RASSF1: variants seen among roughly 807,000 people sequenced by gnomAD.
RASSF1 encodes Ras association domain family member 1, also known as ras association domain-containing protein 1.
Under a neutral mutation model 34.3 loss-of-function variants are expected in RASSF1, and 33 were observed. The ratio of observed to expected loss-of-function variants is 0.96; its 90% confidence interval spans 0.73 to 1.29. The LOEUF is 1.29. Ranked by LOEUF, RASSF1 falls within the 50% of genes most tolerant of loss-of-function variation. RASSF1 has a pLI of 0.00. For synonymous variants in RASSF1, 191 were observed against 195.0 expected, an observed-to-expected ratio of 0.98 and a Z score of 0.17; for missense variants, 445 against 471.8, an observed-to-expected ratio of 0.94 and a Z score of 0.53.
At chr3:50,337,750 C>T (rs1703211065) in intron 2 of RASSF1, 155 bp downstream of exon 2, 1 of 922,616 alleles carries the variant, frequency 1.1e-6, no homozygotes, top group South Asian at 1.7e-5. Flanking sequence ...CCAGGCTCCC[C>T]TCCCAGCCCC....
intron 2 of RASSF1, 38 bp downstream of exon 2, chr3:50,337,867 T>C (rs1172756020): frequency 6.6e-7 from 1 of 1,523,082 alleles, no homozygotes; most frequent in Admixed American, 1.7e-5. Flanking sequence ...GGCCTGCCCA[T>C]CCTCGCCCTT....
At chr3:50,337,624 T>A in intron 2 of RASSF1, 1 of 1,053,760 alleles carries the variant, frequency 9.5e-7, no homozygotes, top group Non-Finnish European at 1.3e-6. Context: ...CGCACAAGAG[T>A]GGCCTCTGGC....
At chr3:50,337,354 C>A (rs750062943) in intron 2 of RASSF1, 96 of 1,604,752 alleles carry the variant, frequency 6.0e-5, no homozygotes, top group Non-Finnish European at 7.5e-5. Context: ...CCTGCGCGTC[C>A]GTAGCCGCCA....
chr3:50,331,187 C>T (rs1702920886), intron 5 of RASSF1, 147 bp downstream of exon 5: 1 of 634,962 alleles, frequency 1.6e-6, no homozygotes, highest in Non-Finnish European at 2.6e-6. Flanking sequence ...GTCTGGAAGC[C>T]TTTGCTTTAG....
In RASSF1 at chr3:50,329,965, G is replaced by C. The variant is rs1299171000; in HGVS notation, c.*616C>G. ...ACCCTGGCTTTGATTAGCAAATAAG[G>C]TATGAACCTGGGCCAGTGCCCACAT... is the stretch of plus-strand genomic sequence containing the variant. On this transcript the variant is annotated 3_prime_UTR_variant, in exon 6 of 6. Transcript: ENST00000359365. The C allele has an allele frequency of 6.6e-6, 1 of 152,656 alleles. No homozygotes were observed. Among genetic ancestry groups the C allele is most frequent in the African/African-American group, 2.4e-5 (1 of 41,416 alleles). 9.5% of individuals were successfully genotyped at this position (152,656 alleles called of 1,614,324 possible).
At chr3:50,337,756 G>T (rs1703211508) in intron 2 of RASSF1, 149 bp downstream of exon 2, 1 of 934,512 alleles carries the variant, frequency 1.1e-6, no homozygotes, top group Non-Finnish European at 1.6e-6. Context: ...TCCCCTCCCA[G>T]CCCCCGCGCA....
chr3:50,337,709 C>T, intron 2 of RASSF1, 196 bp downstream of exon 2: 2 of 838,646 alleles, frequency 2.4e-6, no homozygotes, highest in Non-Finnish European at 3.7e-6. Flanking sequence ...GGTCCGCTTG[C>T]AGCGGGTGGA....
At chr3:50,332,633 G>GA (rs56872728) in intron 2 of RASSF1, among the ~76,000 whole-genome samples, 15,941 of 147,078 alleles carry the variant, frequency 0.11, 2,241 homozygotes, top group East Asian at 0.6. Flanking sequence ...ACTAAAAAAA[G>GA]AAAAAAAAAA....
chr3:50,330,544 T>A lies in RASSF1; in HGVS notation c.*37A>T, dbSNP rs782635857. 2 of 1,611,894 alleles carry A rather than the reference T, an allele frequency of 1.2e-6. No individual in the cohort carries two copies. The highest frequency in any genetic ancestry group is 1.7e-6 in the Non-Finnish European group (2 of 1,179,044). On this transcript the variant is annotated 3_prime_UTR_variant, in exon 6 of 6. Coordinates refer to ENST00000359365, the MANE Select transcript of RASSF1 (RefSeq NM_007182.5). This position sits in a 1 kb window ranked among gnomAD's most constrained non-coding sequence, Gnocchi z 4.5. ...CACTCACACGGCACGCACTTGGCGC[T>A]GCCTGCTGTCTGCCTTCCACCTGGG...
Position 50,331,852 on chromosome 3 carries a change from T to C in RASSF1, c.467A>G (p.Lys156Arg). The change falls in exon 4 of 6, where the codon AAG (lysine) becomes AGG (arginine). Residue 156 changes from lysine (K) to arginine (R), a missense_variant. Transcript: ENST00000359365. ...GATGAAGCCTGTGTAAGAACCGTCC[T>C]TGTTCTAAAGAAATAGAGAAACCAA... Reference protein sequence around the residue: ...INSNLFMSLNKDGSYTGFIKV... With the variant: ...INSNLFMSLNRDGSYTGFIKV... 6.4e-7 allele frequency: 1 copy of C among 1,561,318 alleles called. No individual in the cohort carries two copies. Among genetic ancestry groups the C allele is most frequent in the Non-Finnish European group, 8.7e-7 (1 of 1,150,570 alleles).
At chr3:50,340,048 G>A (rs762161077) in intron 1 of RASSF1, among the ~76,000 whole-genome samples, 25 of 152,236 alleles carry the variant, frequency 1.6e-4, no homozygotes, top group Admixed American at 3.3e-4. Context: ...GTGTGGCTGC[G>A]TGCATATTTT....
intron 2 of RASSF1, chr3:50,337,389 CG>C: frequency 1.3e-6 from 2 of 1,591,224 alleles, no homozygotes; most frequent in East Asian, 4.5e-5. Flanking sequence ...CGCGTGCGTG[CG>C]TGTACGCGTG....
intron 2 of RASSF1, 64 bp downstream of exon 2, chr3:50,337,841 A>G: frequency 4.2e-6 from 6 of 1,413,270 alleles, no homozygotes; most frequent in Non-Finnish European, 5.9e-6. Context: ...GCAGCCCTCG[A>G]GAATGCCTGC....
intron 1 of RASSF1, among the ~76,000 whole-genome samples, chr3:50,340,211 T>C (rs587607726): frequency 1.3e-5 from 2 of 151,864 alleles, no homozygotes; most frequent in Admixed American, 1.3e-4. Context: ...CTGGAGGGGG[T>C]CATGAGTGTT....
At chr3:50,337,285 G>A (rs1703177013) in intron 2 of RASSF1, 4 of 1,613,080 alleles carry the variant, frequency 2.5e-6, no homozygotes, top group Non-Finnish European at 3.4e-6. Context: ...GCTGCTCCAG[G>A]TCATTTCGAA....
intron 2 of RASSF1, chr3:50,337,293 G>A (rs1238958900): frequency 6.2e-7 from 1 of 1,612,820 alleles, no homozygotes; most frequent in Admixed American, 1.7e-5. Context: ...AGGTCATTTC[G>A]AAAGAAGGCG....
At chr3:50,331,102 C>T (rs587646188) in intron 5 of RASSF1, among the ~76,000 whole-genome samples, 2 of 152,338 alleles carry the variant, frequency 1.3e-5, no homozygotes, top group Admixed American at 6.5e-5. Flanking sequence ...GAAGATTTTC[C>T]ACACCAGGAA....
chr3:50,337,532 G>A, intron 2 of RASSF1: 1 of 1,510,054 alleles, frequency 6.6e-7, no homozygotes, highest in South Asian at 1.2e-5. Flanking sequence ...TCGCCCCCAG[G>A]AATGACCTCA....
chr3:50,337,722 A>C lies in RASSF1; in HGVS notation c.357+183T>G, dbSNP rs1035839875. 1.7e-5 allele frequency: 14 copies of C among 835,038 alleles called. No homozygotes were observed. The Admixed American group carries it at 3.8e-4, about 23-fold the overall frequency. 51.7% of individuals were successfully genotyped at this position (835,038 alleles called of 1,614,324 possible). A position where few individuals can be genotyped will look rare whatever the true frequency, so the allele number is the denominator to read the frequency against. On this transcript the variant is annotated intron_variant, in intron 2 of 5. Transcript: ENST00000359365. The stretch of plus-strand genomic sequence containing the variant: ...CGGGTCCGCTTGCAGCGGGTGGAGT[A>C]CTTGCGGAGCCGGCAATCCAGGCTC...
Sources: gnomAD v4.1 joint callset for allele counts (sites outside exome capture counted in the v4.1 genomes callset) on GRCh38, gnomAD v4.1.1 for gene constraint, Gnocchi (gnomAD v3.1) non-coding constraint, MANE v1.5 for transcripts, NCBI Gene and HGNC (gene_info 2026-07-23, HGNC 2026-07-21) for gene names.